KCTD15: variants seen among roughly 807,000 people sequenced by gnomAD.
The protein encoded by KCTD15 is BTB/POZ domain-containing protein KCTD15.
Under a neutral mutation model 27.2 loss-of-function variants are expected in KCTD15, and 11 were observed. The ratio of observed to expected loss-of-function variants is 0.41; its 90% CI spans 0.25 to 0.67. The LOEUF is 0.67. Ranked by LOEUF, KCTD15 falls within the 30% of genes least tolerant of loss-of-function variation. KCTD15 has a pLI of 0.35. For synonymous variants in KCTD15, 163 were observed against 176.0 expected, an observed-to-expected ratio of 0.93 and a Z score of 0.58; for missense variants, 350 against 409.3, an observed-to-expected ratio of 0.86 and a Z score of 1.25.
At chr19:33,804,373 T>G (rs73039061) in intron 4 of KCTD15, among the ~76,000 whole-genome samples, 16,834 of 151,814 alleles carry the variant, frequency 0.11, 1,098 homozygotes, top group Non-Finnish European at 0.15. Context: ...GCATCAGGAG[T>G]CTTCTAGACC....
In KCTD15 at chr19:33,806,782, C is replaced by T. The variant is rs1222387584; in HGVS notation, c.243-81C>T. The T allele has an allele frequency of 2.0e-6, 3 of 1,528,884 alleles. No homozygotes were observed. The African/African-American group carries it at 4.1e-5, about 21-fold the overall frequency. The allele number at this position is 1,528,884 out of a possible 1,614,324, so 94.7% of individuals were successfully genotyped here. On this transcript the variant is annotated intron_variant, in intron 4 of 6. Coordinates refer to ENST00000683859, the MANE Select transcript of KCTD15 (RefSeq NM_001129994.2). ...TCGCCCCTCCAGCCGTGTGGGCCCT[C>T]AGGAGTGGGGGCGGGGTGTGGGAAG...
intron 4 of KCTD15, among the ~76,000 whole-genome samples, chr19:33,802,081 C>T (rs763901882): frequency 5.3e-5 from 8 of 152,294 alleles, no homozygotes; most frequent in Non-Finnish European, 1.0e-4. Context: ...TGCCAGCTCT[C>T]CTGCTCTTCC....
At chr19:33,805,035 C>T (rs956742525) in intron 4 of KCTD15, among the ~76,000 whole-genome samples, 3 of 152,068 alleles carry the variant, frequency 2.0e-5, no homozygotes, top group African/African-American at 7.2e-5. Context: ...TCAAGTGATC[C>T]TCCCACCTCA....
intron 5 of KCTD15, 49 bp from the exon 6 acceptor site, chr19:33,811,198 C>A: frequency 1.5e-6 from 2 of 1,304,320 alleles, no homozygotes; most frequent in Non-Finnish European, 2.0e-6. Context: ...CCTTCCCCCA[C>A]CACCCCTACT....
chr19:33,798,491 G>C (rs1975428025), intron 1 of KCTD15, 177 bp from the exon 2 acceptor site: 1 of 152,270 alleles, frequency 6.6e-6, no homozygotes, highest in African/African-American at 2.4e-5. Flanking sequence ...CGCAGCTGGA[G>C]AAGCGGGTCA....
chr19:33,797,247 GGTGTGTGTGT>G lies in KCTD15; in HGVS notation c.-127+288_-127+297del, dbSNP rs751185346. 9.1e-4 allele frequency among the ~76,000 whole-genome samples: 110 copies of G among 120,780 alleles called. 3 individuals carry two copies. Among genetic ancestry groups the G allele is most frequent in the East Asian group, 4.6e-3 (19 of 4,142 alleles). 79.2% of individuals were successfully genotyped at this position (120,780 alleles called of 152,430 possible). ...GCGGTCTCGGAGCTTCCTGCCGCGC[GGTGTGTGTGT>G]GTGTGTGTGTGTGTGTGTGTGTGTG... On this transcript the variant is annotated intron_variant, in intron 1 of 6. Coordinates refer to ENST00000683859, the MANE Select transcript of KCTD15 (RefSeq NM_001129994.2).
chr19:33,807,164 T>C (rs1393718680), intron 5 of KCTD15, among the ~76,000 whole-genome samples, 157 bp downstream of exon 5: 1 of 152,258 alleles, frequency 6.6e-6, no homozygotes, highest in Non-Finnish European at 1.5e-5. Flanking sequence ...ACTAATTTTG[T>C]TTTCTCACAT....
chr19:33,805,302 A>G (rs558666104), intron 4 of KCTD15, among the ~76,000 whole-genome samples: 1 of 152,278 alleles, frequency 6.6e-6, no homozygotes, highest in African/African-American at 2.4e-5. Context: ...GCAGACCATC[A>G]TGGCTGATGC....
rs1975434788 is a variant in KCTD15 at position 33,798,705 on chromosome 19, T to C, written c.-89T>C. On this transcript the variant is annotated 5_prime_UTR_variant, in exon 2 of 7. It removes an upstream start codon present in the reference 5' UTR. Transcript: ENST00000683859. ...AAAGAGGGTCGTGGTCCCGCACGGA[T>C]GCGCTTGTTGGGAGAAACCTTGGAG... 6.6e-6 allele frequency: 1 copy of C among 152,590 alleles called. No homozygotes were observed. The highest frequency in any genetic ancestry group is 1.9e-4 in the East Asian group (1 of 5,184). The allele number at this position is 152,590 out of a possible 1,614,324, so 9.5% of individuals were successfully genotyped here. A position where few individuals can be genotyped will look rare whatever the true frequency, so the allele number is the denominator to read the frequency against.
intron 6 of KCTD15, chr19:33,811,871 C>G: frequency 6.3e-7 from 1 of 1,597,714 alleles, no homozygotes; most frequent in Admixed American, 1.8e-5. Context: ...TGGATTCGAA[C>G]TAAACCCAGG....
At chr19:33,804,582 C>T (rs1278728983) in intron 4 of KCTD15, among the ~76,000 whole-genome samples, 1 of 152,232 alleles carries the variant, frequency 6.6e-6, no homozygotes, top group Non-Finnish European at 1.5e-5. Flanking sequence ...ACACATGGAC[C>T]TCAGCCACCT....
At chr19:33,801,095 A>C in intron 3 of KCTD15, 72 bp from the exon 4 acceptor site, 1 of 1,399,690 alleles carries the variant, frequency 7.1e-7, no homozygotes, top group Non-Finnish European at 9.8e-7. Flanking sequence ...AAGGGAGTGC[A>C]TGGCTGTGTT....
Position 33,801,302 on chromosome 19 carries a change from A to G in KCTD15, c.202A>G (p.Thr68Ala). Residue 68 changes from threonine (T) to alanine (A), a missense_variant, in exon 4 of 7, where the codon ACC becomes GCC. Coordinates refer to ENST00000683859, the MANE Select transcript of KCTD15 (RefSeq NM_001129994.2). The part of the protein sequence containing the change: ...VHIDVGGHMY[T>A]SSLATLTKYP... Reference sequence around the variant, plus strand: ...CATCGATGTGGGCGGCCACATGTACACCAGCAGCCTGGCCACGCTCACCAA... The same window carrying G: ...CATCGATGTGGGCGGCCACATGTACGCCAGCAGCCTGGCCACGCTCACCAA... The G allele has an allele frequency of 6.2e-7, 1 of 1,612,492 alleles. No individual in the cohort carries two copies. The highest frequency in any genetic ancestry group is 8.5e-7 in the Non-Finnish European group (1 of 1,179,336).
rs969860325 is a variant in KCTD15, at chr19:33,813,480, C to G, written c.*532C>G. 4 of 439,962 alleles carry G rather than the reference C, an allele frequency of 9.1e-6. No homozygotes were observed. The highest frequency in any genetic ancestry group is 4.9e-5 in the South Asian group (3 of 61,444). 27.3% of individuals were successfully genotyped at this position (439,962 alleles called of 1,614,324 possible). On this transcript the variant is annotated 3_prime_UTR_variant, in exon 7 of 7. Coordinates refer to ENST00000683859, the MANE Select transcript of KCTD15 (RefSeq NM_001129994.2). ...ACGTGCAGCATGGCTGCAGGGTGGA[C>G]CAGCTGCCTGGCATTCAGGCCCAGA... is the stretch of plus-strand genomic sequence containing the variant.
intron 4 of KCTD15, 74 bp from the exon 5 acceptor site, chr19:33,806,788 TG>T: frequency 6.5e-7 from 1 of 1,538,882 alleles, no homozygotes; most frequent in East Asian, 2.3e-5. Flanking sequence ...CCCTCAGGAG[TG>T]GGGGCGGGGT....
chr19:33,797,654 C>G (rs1044951196), intron 1 of KCTD15, among the ~76,000 whole-genome samples: 3 of 151,942 alleles, frequency 2.0e-5, no homozygotes, highest in East Asian at 1.9e-4. Context: ...GGCACACACT[C>G]GCAAACACAC....
At chr19:33,801,045 C>A in intron 3 of KCTD15, 122 bp from the exon 4 acceptor site, 2 of 902,964 alleles carry the variant, frequency 2.2e-6, no homozygotes, top group Non-Finnish European at 1.7e-6. Flanking sequence ...CAGGCACGGG[C>A]AGAAGTGATC....
At chr19:33,808,343 T>A (rs1178810018) in intron 5 of KCTD15, among the ~76,000 whole-genome samples, 1 of 152,196 alleles carries the variant, frequency 6.6e-6, no homozygotes, top group Non-Finnish European at 1.5e-5. Flanking sequence ...CTTAACAGTC[T>A]AGCGGGCAGA....
chr19:33,812,069 A>G, intron 6 of KCTD15: 1 of 1,377,110 alleles, frequency 7.3e-7, no homozygotes, highest in Non-Finnish European at 9.3e-7. Flanking sequence ...AGCTCTTCGC[A>G]GACCCAAGAG....
Sources: gnomAD v4.1 joint callset for allele counts (sites outside exome capture counted in the v4.1 genomes callset) on GRCh38, gnomAD v4.1.1 for gene constraint, MANE v1.5 for transcripts, NCBI Gene and HGNC (gene_info 2026-07-23, HGNC 2026-07-21) for gene names.